The following SORCS3 variants were observed in gnomAD, a reference collection of about 807,000 sequenced individuals.
SORCS3 encodes the protein VPS10 domain-containing receptor SorCS3.
A neutral mutation model predicts 146.3 loss-of-function variants in SORCS3; 57 were observed. That is an observed-to-expected ratio of 0.39 (90% CI 0.31 to 0.49). The LOEUF (loss-of-function observed/expected upper bound fraction) is 0.49. Ranked by LOEUF, SORCS3 falls within the 20% of genes least tolerant of loss-of-function variation. The pLI, the probability that SORCS3 is intolerant of heterozygous loss-of-function variation, is 0.92. For synonymous variants in SORCS3, 653 were observed against 618.5 expected, an observed-to-expected ratio of 1.06 and a Z score of -0.83; for missense variants, 1,341 against 1,575.5, an observed-to-expected ratio of 0.85 and a Z score of 2.52.
chr10:105,115,403 A>T (rs1014930998), intron 7 of SORCS3, among the ~76,000 whole-genome samples: 3 of 152,218 alleles, frequency 2.0e-5, no homozygotes, highest in African/African-American at 7.2e-5. Flanking sequence ...TAGTGTATGC[A>T]CATCCTCTTT....
intron 5 of SORCS3, among the ~76,000 whole-genome samples, chr10:105,059,569 G>T (rs910782560): frequency 1.3e-5 from 2 of 152,074 alleles, no homozygotes; most frequent in African/African-American, 4.8e-5. Flanking sequence ...TATGAAGGAC[G>T]GTAGGTAGGG....
At chr10:105,243,215 G>A (rs1048168314) in intron 20 of SORCS3, among the ~76,000 whole-genome samples, 1 of 151,268 alleles carries the variant, frequency 6.6e-6, no homozygotes, top group Non-Finnish European at 1.5e-5. Context: ...TAGAAATTTT[G>A]CCTAAATCCA....
At chr10:105,004,990 G>A (rs17118088) in intron 4 of SORCS3, among the ~76,000 whole-genome samples, 36,155 of 152,066 alleles carry the variant, frequency 0.24, 4,888 homozygotes, top group African/African-American at 0.36. Flanking sequence ...TGTGAATTAG[G>A]TAGATCTGAG....
At chr10:104,794,622 G>GGAGGAAGAGAGAGAGAGA (rs1481811209) in intron 1 of SORCS3, among the ~76,000 whole-genome samples, 1 of 41,406 alleles carries the variant, frequency 2.4e-5, no homozygotes, top group African/African-American at 1.7e-4. Context: ...AGAGAGGGAG[G>GGAGGAAGAGAGAGAGAGA]GAGAGAGAGA....
chr10:104,743,593 G>C (rs1034325653), intron 1 of SORCS3, among the ~76,000 whole-genome samples: 2 of 152,102 alleles, frequency 1.3e-5, no homozygotes, highest in Non-Finnish European at 2.9e-5. Context: ...GATAATCTTG[G>C]GGGTAAAGGA....
chr10:104,935,027 T>C (rs1202322946), intron 3 of SORCS3, among the ~76,000 whole-genome samples: 2 of 152,140 alleles, frequency 1.3e-5, no homozygotes, highest in East Asian at 3.9e-4. Context: ...CTTGTTTGGG[T>C]ACTGAGGAGG....
chr10:105,130,301 C>G (rs1206638416), intron 7 of SORCS3, among the ~76,000 whole-genome samples: 1 of 152,112 alleles, frequency 6.6e-6, no homozygotes, highest in African/African-American at 2.4e-5. Context: ...CAATTGGAAA[C>G]TGATTGAGTC....
intron 2 of SORCS3, among the ~76,000 whole-genome samples, chr10:104,844,213 A>C (rs1182686311): frequency 6.6e-6 from 1 of 152,202 alleles, no homozygotes; most frequent in Non-Finnish European, 1.5e-5. Flanking sequence ...AAATGAAAGC[A>C]TGACTATTTC....
chr10:105,254,250 G>A (rs1242962046), intron 23 of SORCS3, among the ~76,000 whole-genome samples: 4 of 152,172 alleles, frequency 2.6e-5, no homozygotes, highest in Admixed American at 6.5e-5. Context: ...TCCTGGCAGC[G>A]GCCTACATCC....
intron 6 of SORCS3, among the ~76,000 whole-genome samples, chr10:105,103,039 CG>C (rs1350042950): frequency 2.6e-5 from 4 of 151,978 alleles, no homozygotes; most frequent in African/African-American, 9.7e-5. Context: ...CCACCCACCT[CG>C]GCCTCCCAAT....
chr10:105,121,987 T>TG (rs2055937052), intron 7 of SORCS3, among the ~76,000 whole-genome samples: 1 of 152,160 alleles, frequency 6.6e-6, no homozygotes, highest in African/African-American at 2.4e-5. Flanking sequence ...TGTTGAGTCA[T>TG]GACCTCACTG....
chr10:105,249,344 A>G (rs1478956780), intron 22 of SORCS3, among the ~76,000 whole-genome samples: 3 of 152,184 alleles, frequency 2.0e-5, no homozygotes, highest in Non-Finnish European at 4.4e-5. Context: ...GGAGGGAGAG[A>G]TGTAAGAGAA....
At chr10:104,674,436 C>T (rs1168608449) in intron 1 of SORCS3, among the ~76,000 whole-genome samples, 1 of 152,254 alleles carries the variant, frequency 6.6e-6, no homozygotes, top group Non-Finnish European at 1.5e-5. Context: ...TGGCTCTCCT[C>T]ATTTGCTCTG....
At chr10:105,221,168 G>A (rs1483900698) in intron 19 of SORCS3, among the ~76,000 whole-genome samples, 1 of 152,134 alleles carries the variant, frequency 6.6e-6, no homozygotes, top group Non-Finnish European at 1.5e-5. Context: ...TGTGAAATAA[G>A]TACATAATAG....
intron 7 of SORCS3, among the ~76,000 whole-genome samples, chr10:105,123,024 G>T (rs1485185599): frequency 6.6e-6 from 1 of 152,228 alleles, no homozygotes; most frequent in African/African-American, 2.4e-5. Context: ...AAAATGAAAA[G>T]ATTACATTAA....
Position 105,020,776 on chromosome 10 carries a change from A to G in SORCS3, c.955-22279A>G, listed in dbSNP as rs1474879196. ...TCTCACCGTCACCTCCATTTACCTTATGCTGTGCTGTTACTGTGCCATTGT... is the reference window on the plus strand; with the variant it reads ...TCTCACCGTCACCTCCATTTACCTTGTGCTGTGCTGTTACTGTGCCATTGT... On this transcript the variant is annotated intron_variant, in intron 4 of 26. Transcript: ENST00000369701. 1.3e-5 allele frequency among the ~76,000 whole-genome samples: 2 copies of G among 152,134 alleles called. 1 individual carries two copies. Among genetic ancestry groups the G allele is most frequent in the Admixed American group, 1.3e-4 (2 of 15,260 alleles).
chr10:105,187,199 G>T (rs114218803), intron 14 of SORCS3, among the ~76,000 whole-genome samples: 2 of 151,616 alleles, frequency 1.3e-5, no homozygotes, highest in South Asian at 2.1e-4. Context: ...TCTCTTTCTC[G>T]GTTTTCCTTC....
Position 104,694,638 on chromosome 10 carries a change from G to C in SORCS3, c.627+52684G>C, listed in dbSNP as rs148363844. ...AAAAGGCCTGGCCATCTTGTCTCAA[G>C]GAAGGATGGATGCAGAGCTCCCCAT... On this transcript the variant is annotated intron_variant, in intron 1 of 26. Transcript: ENST00000369701. Among the ~76,000 whole-genome samples the C allele has an allele frequency of 1.4e-4, 21 of 152,238 alleles. No individual in the cohort carries two copies. The East Asian group carries it at 3.7e-3, about 27-fold the overall frequency.
intron 19 of SORCS3, among the ~76,000 whole-genome samples, chr10:105,219,452 A>G (rs557276312): frequency 1.2e-4 from 18 of 152,286 alleles, no homozygotes; most frequent in Admixed American, 5.2e-4. Context: ...CAGATTCCCA[A>G]TGGAAAGCAT....
Sources: allele counts gnomAD v4.1 joint callset (sites outside exome capture counted in the v4.1 genomes callset), GRCh38; gene constraint gnomAD v4.1.1; transcripts MANE v1.5; gene names NCBI Gene and HGNC (gene_info 2026-07-23, HGNC 2026-07-21).